Variants in ABCA13 observed in about 807,000 individuals in gnomAD.
ABCA13 encodes ATP-binding cassette sub-family A member 13.
Under a neutral mutation model 478.7 loss-of-function variants are expected in ABCA13, and 476 were observed. The ratio of observed to expected loss-of-function variants is 0.99; its 90% CI spans 0.92 to 1.07. ABCA13 has a LOEUF of 1.07. Ranked by LOEUF, ABCA13 falls within the 50% of genes least tolerant of loss-of-function variation. The pLI is 0.00. For synonymous variants in ABCA13, 2,252 were observed against 2,158.9 expected (o/e 1.04, Z -1.20); for missense variants, 6,060 against 5,910.6 (o/e 1.03, Z -0.83).
At chr7:48,387,332 C>T (rs756035765) in intron 35 of ABCA13, among the ~76,000 whole-genome samples, 12 of 151,930 alleles carry the variant, frequency 7.9e-5, no homozygotes, top group Non-Finnish European at 2.9e-5. Flanking sequence ...AGAATGGTAA[C>T]GTGTTTCATA....
intron 33 of ABCA13, among the ~76,000 whole-genome samples, chr7:48,374,073 A>C (rs1193678078): frequency 1.3e-5 from 2 of 152,178 alleles, no homozygotes; most frequent in South Asian, 2.1e-4. Context: ...TCTGTGTATG[A>C]TACATTGGAT....
At chr7:48,293,901 T>C (rs1798943842) in intron 20 of ABCA13, among the ~76,000 whole-genome samples, 1 of 152,096 alleles carries the variant, frequency 6.6e-6, no homozygotes, top group South Asian at 2.1e-4. Flanking sequence ...CCCAGAGTCT[T>C]AGGAGCCTCT....
At position 48,645,653 on chromosome 7, in the gene ABCA13, T is replaced by G. The variant is rs1795396890; in HGVS notation, c.*141T>G. ...AATTATTCTCTTGTTCATTTTCTAT[T>G]TTGAATCTCCTTGTTAGTTAATAAC... On this transcript the variant is annotated 3_prime_UTR_variant, in exon 62 of 62. Transcript: ENST00000435803. 2.8e-6 allele frequency: 2 copies of G among 712,988 alleles called. No homozygotes were observed. Among genetic ancestry groups the G allele is most frequent in the Non-Finnish European group, 4.6e-6 (2 of 435,538 alleles). The allele number at this position is 712,988 out of a possible 1,614,324, so 44.2% of individuals were successfully genotyped here.
intron 29 of ABCA13, among the ~76,000 whole-genome samples, chr7:48,339,749 C>CCG (rs1189722229): frequency 6.6e-6 from 1 of 152,200 alleles, no homozygotes; most frequent in East Asian, 1.9e-4. Context: ...CTTTCTGCTT[C>CCG]CGCCTGACGC....
intron 59 of ABCA13, among the ~76,000 whole-genome samples, chr7:48,633,973 T>TAGATAGAC (rs1794424369): frequency 1.4e-5 from 2 of 141,640 alleles, no homozygotes; most frequent in Non-Finnish European, 3.2e-5. Flanking sequence ...GATAGATAGA[T>TAGATAGAC]AGATAGATGA....
rs1787250367 is a variant in ABCA13, at chr7:48,568,003, A to C, written c.14355-12221A>C. 2.6e-5 allele frequency among the ~76,000 whole-genome samples: 4 copies of C among 152,242 alleles called. No individual in the cohort carries two copies. In the South Asian group the frequency reaches 8.3e-4, roughly 32 times the overall value. On this transcript the variant is annotated intron_variant, in intron 55 of 61. Coordinates refer to ENST00000435803, the MANE Select transcript of ABCA13 (RefSeq NM_152701.5). ...GCATGTGTGTGTTTAGCTTTTGTAAATACTGGTAGTGTTTTGGTTAACTAA... is the reference window on the plus strand; with the variant it reads ...GCATGTGTGTGTTTAGCTTTTGTAACTACTGGTAGTGTTTTGGTTAACTAA...
intron 55 of ABCA13, among the ~76,000 whole-genome samples, chr7:48,541,651 A>G (rs1833946413): frequency 6.8e-6 from 1 of 146,974 alleles, no homozygotes; most frequent in Non-Finnish European, 1.5e-5. Flanking sequence ...TGACTATTAG[A>G]GAAAACAAAG....
At chr7:48,305,920 T>A (rs1191752877) in intron 23 of ABCA13, among the ~76,000 whole-genome samples, 1 of 152,170 alleles carries the variant, frequency 6.6e-6, no homozygotes, top group Non-Finnish European at 1.5e-5. Flanking sequence ...CTGTTTCTGA[T>A]AATTTGCAGC....
Position 48,310,044 on chromosome 7 carries a change from T to C in ABCA13, c.9419T>C (p.Ile3140Thr), listed in dbSNP as rs926355660. ...TTTCCCAAAGGGGAAAAATCTTGGA[T>C]CGCAGCGGAGGAACTCTGTAGCCTG... is the stretch of plus-strand genomic sequence containing the variant. ...LTFPKGEKSW[I>T]AAEELCSLPG... The change falls in exon 24 of 62, where the codon ATC (isoleucine) becomes ACC (threonine). Residue 3140 changes from isoleucine (I) to threonine (T), a missense_variant. By Grantham distance (89) the Ile-to-Thr change is moderately conservative. This residue lies in a region of ABCA13 where 4,423 missense variants were observed against 4,309.1 expected (regional missense o/e 1.03). Transcript: ENST00000435803. 3 of 1,613,826 alleles carry C rather than the reference T, an allele frequency of 1.9e-6. No homozygotes were observed. The Admixed American group carries it at 5.0e-5, about 27-fold the overall frequency.
At chr7:48,502,297 C>T (rs1054523204) in intron 48 of ABCA13, among the ~76,000 whole-genome samples, 3 of 152,020 alleles carry the variant, frequency 2.0e-5, no homozygotes, top group African/African-American at 7.2e-5. Context: ...AGGAAATGTG[C>T]TAAAATGAAG....
chr7:48,640,205 A>G (rs555085667), intron 59 of ABCA13, among the ~76,000 whole-genome samples: 2 of 152,300 alleles, frequency 1.3e-5, no homozygotes, highest in African/African-American at 4.8e-5. Context: ...ATTTGTTATA[A>G]ATTATGACTT....
At chr7:48,487,863 G>C (rs1829484837) in intron 47 of ABCA13, among the ~76,000 whole-genome samples, 1 of 152,172 alleles carries the variant, frequency 6.6e-6, no homozygotes, top group South Asian at 2.1e-4. Flanking sequence ...GGATGACATG[G>C]ACACACCTCT....
intron 23 of ABCA13, among the ~76,000 whole-genome samples, chr7:48,309,033 G>GCACACACACACACACA (rs10523187): frequency 7.3e-4 from 101 of 138,150 alleles, no homozygotes; most frequent in East Asian, 2.7e-3. Context: ...ACACATGACT[G>GCACACACACACACACA]CACACACACA....
intron 29 of ABCA13, 34 bp from the exon 30 acceptor site, chr7:48,350,609 A>G: frequency 6.5e-7 from 1 of 1,544,794 alleles, no homozygotes; most frequent in South Asian, 1.3e-5. Context: ...GGGATACAGA[A>G]GTTGATGTGT....
At chr7:48,514,717 T>A (rs1055653380) in intron 51 of ABCA13, among the ~76,000 whole-genome samples, 1 of 152,014 alleles carries the variant, frequency 6.6e-6, no homozygotes, top group African/African-American at 2.4e-5. Flanking sequence ...TGGGTGAATA[T>A]GTGTTGGGGT....
chr7:48,478,492 G>T (rs923745360), intron 45 of ABCA13, among the ~76,000 whole-genome samples: 3 of 151,858 alleles, frequency 2.0e-5, no homozygotes, highest in East Asian at 1.9e-4. Context: ...CATGTACAGG[G>T]GGAGAATTAC....
intron 1 of ABCA13, among the ~76,000 whole-genome samples, chr7:48,178,132 AATTG>A (rs751514200): frequency 6.6e-6 from 1 of 152,020 alleles, no homozygotes; most frequent in African/African-American, 2.4e-5. Context: ...CTTTAATTTC[AATTG>A]ATCTGAATTT....
intron 48 of ABCA13, 126 bp downstream of exon 48, chr7:48,489,470 C>A: frequency 1.4e-6 from 1 of 729,384 alleles, no homozygotes; most frequent in Non-Finnish European, 2.2e-6. Context: ...ACTTGGCAAC[C>A]AATCCGTGTC....
intron 38 of ABCA13, among the ~76,000 whole-genome samples, chr7:48,403,284 G>A (rs1002455225): frequency 6.6e-6 from 1 of 152,230 alleles, no homozygotes; most frequent in African/African-American, 2.4e-5. Flanking sequence ...CAGTAGAGCT[G>A]GGCCTGCCTT....
Sources: allele counts gnomAD v4.1 joint callset (sites outside exome capture counted in the v4.1 genomes callset), GRCh38; gene constraint gnomAD v4.1.1; regional missense constraint gnomAD v4.1.1; transcripts MANE v1.5; gene names NCBI Gene and HGNC (gene_info 2026-07-23, HGNC 2026-07-21).